OXCT1: variants seen among roughly 807,000 people sequenced by gnomAD.
OXCT1 encodes 3-oxoacid CoA-transferase 1, also known as succinyl-CoA:3-ketoacid coenzyme A transferase 1, mitochondrial.
OXCT1 carries 27 observed loss-of-function variants against 69.6 expected under a neutral mutation model. That is an observed-to-expected ratio of 0.39 (90% CI 0.29 to 0.54). The LOEUF (loss-of-function observed/expected upper bound fraction) is 0.54, where lower values mean the gene tolerates loss of function less well. Ranked by LOEUF, OXCT1 falls within the 20% of genes least tolerant of loss-of-function variation. The pLI, the probability that OXCT1 is intolerant of heterozygous loss-of-function variation, is 0.72. For synonymous variants in OXCT1, 202 were observed against 217.8 expected, an observed-to-expected ratio of 0.93 and a Z score of 0.64; for missense variants, 437 against 650.2, an observed-to-expected ratio of 0.67 and a Z score of 3.57.
intron 16 of OXCT1, among the ~76,000 whole-genome samples, chr5:41,738,778 A>G (rs1233821662): frequency 6.6e-6 from 1 of 152,202 alleles, no homozygotes; most frequent in Non-Finnish European, 1.5e-5. Context: ...TCTCAGTAAT[A>G]TTCTGTTTTA....
intron 13 of OXCT1, among the ~76,000 whole-genome samples, chr5:41,772,694 A>T (rs1361748274): frequency 6.6e-6 from 1 of 152,226 alleles, no homozygotes; most frequent in East Asian, 1.9e-4. Flanking sequence ...GGGAATTAAT[A>T]GCTATGACAT....
At chr5:41,817,452 A>T (rs2112317588) in intron 7 of OXCT1, among the ~76,000 whole-genome samples, 1 of 152,316 alleles carries the variant, frequency 6.6e-6, no homozygotes, top group South Asian at 2.1e-4. Flanking sequence ...TAGACATTCT[A>T]TTACAAGACC....
chr5:41,809,649 A>G (rs1447096722), intron 7 of OXCT1, among the ~76,000 whole-genome samples: 1 of 151,990 alleles, frequency 6.6e-6, no homozygotes, highest in African/African-American at 2.4e-5. Flanking sequence ...ATAAAAAAGG[A>G]AGAAAAAAAA....
intron 11 of OXCT1, among the ~76,000 whole-genome samples, chr5:41,795,345 G>A (rs184625404): frequency 9.9e-5 from 15 of 152,230 alleles, no homozygotes; most frequent in Admixed American, 9.8e-4. Flanking sequence ...CCAGGGGTTA[G>A]GGACCCCTGT....
At chr5:41,793,180 TGTC>T (rs1746008505) in intron 13 of OXCT1, among the ~76,000 whole-genome samples, 3 of 152,240 alleles carry the variant, frequency 2.0e-5, no homozygotes, top group Non-Finnish European at 4.4e-5. Flanking sequence ...TCAAGAAAAC[TGTC>T]CTATCATAGA....
intron 14 of OXCT1, among the ~76,000 whole-genome samples, chr5:41,759,321 C>G (rs928416322): frequency 6.6e-6 from 1 of 152,206 alleles, no homozygotes; most frequent in African/African-American, 2.4e-5. Context: ...AGCACAGCAC[C>G]TCCACCTGGT....
intron 7 of OXCT1, among the ~76,000 whole-genome samples, chr5:41,810,218 G>A (rs975656037): frequency 8.5e-5 from 13 of 152,124 alleles, no homozygotes; most frequent in African/African-American, 3.1e-4. Flanking sequence ...AGTGAGATCA[G>A]GCGATTTAAA....
rs773088797 is a variant in OXCT1 at position 41,842,668 on chromosome 5, A to G, written c.671+7T>C. On this transcript the variant is annotated splice_region_variant and intron_variant, in intron 6 of 16. Transcript: ENST00000196371. ...ATGCACGAGTGTTTTTAAAACTATCACAATACCTGAAAATCACGTTTCCTG... is the reference window on the plus strand; with the variant it reads ...ATGCACGAGTGTTTTTAAAACTATCGCAATACCTGAAAATCACGTTTCCTG... The G allele has an allele frequency of 3.1e-6, 5 of 1,596,446 alleles. No individual in the cohort carries two copies. Among genetic ancestry groups the G allele is most frequent in the East Asian group, 4.5e-5 (2 of 44,792 alleles).
intron 1 of OXCT1, among the ~76,000 whole-genome samples, chr5:41,866,179 C>T (rs1413777141): frequency 3.3e-5 from 5 of 152,044 alleles, no homozygotes; most frequent in Middle Eastern, 6.8e-3. Flanking sequence ...CATTCTCTAC[C>T]AGGGCAGTAA....
At chr5:41,850,213 C>T (rs762600459) in intron 4 of OXCT1, 34 bp from the exon 5 acceptor site, 1 of 1,611,532 alleles carries the variant, frequency 6.2e-7, no homozygotes, top group East Asian at 2.2e-5. Context: ...CATAAGTTCA[C>T]TAAGCACACT....
Position 41,761,900 on chromosome 5 carries a change from T to A in OXCT1, c.1338+211A>T, listed in dbSNP as rs58511292. On this transcript the variant is annotated intron_variant, in intron 14 of 16. Transcript: ENST00000196371. ...ATGCAGGACAAATATTTGAAGAACATGCTGATGTTTGGTTTCACTCAAAGT... is the reference window on the plus strand; with the variant it reads ...ATGCAGGACAAATATTTGAAGAACAAGCTGATGTTTGGTTTCACTCAAAGT... Among the ~76,000 whole-genome samples the A allele has an allele frequency of 0.05, 7,655 of 152,252 alleles. 660 individuals are homozygous for A. The highest frequency in any genetic ancestry group is 0.17 in the African/African-American group (7,212 of 41,534).
intron 13 of OXCT1, among the ~76,000 whole-genome samples, chr5:41,782,708 C>G (rs1267093166): frequency 1.3e-5 from 2 of 152,114 alleles, no homozygotes; most frequent in African/African-American, 4.8e-5. Flanking sequence ...TCTGTTCATC[C>G]TGATGATAGT....
At chr5:41,838,124 G>A (rs1394104920) in intron 7 of OXCT1, among the ~76,000 whole-genome samples, 4 of 152,108 alleles carry the variant, frequency 2.6e-5, no homozygotes, top group Admixed American at 6.5e-5. Context: ...ATAAAAGAAA[G>A]CAAGATAGGG....
chr5:41,771,545 T>C (rs1744870947), intron 13 of OXCT1, among the ~76,000 whole-genome samples: 1 of 152,212 alleles, frequency 6.6e-6, no homozygotes, highest in Admixed American at 6.5e-5. Context: ...AGCTCTGTTC[T>C]GAAGCTGCAG....
At chr5:41,766,116 G>C (rs367831783) in intron 13 of OXCT1, among the ~76,000 whole-genome samples, 4 of 152,080 alleles carry the variant, frequency 2.6e-5, no homozygotes, top group African/African-American at 9.7e-5. Flanking sequence ...CTTAAAGGAT[G>C]CAACTCTAGT....
At chr5:41,864,172 G>A (rs1396837741) in intron 1 of OXCT1, among the ~76,000 whole-genome samples, 1 of 152,152 alleles carries the variant, frequency 6.6e-6, no homozygotes, top group Non-Finnish European at 1.5e-5. Context: ...AGCAGATTCT[G>A]TAGCAATCAT....
chr5:41,778,939 A>C (rs1286031949), intron 13 of OXCT1, among the ~76,000 whole-genome samples: 1 of 152,238 alleles, frequency 6.6e-6, no homozygotes, highest in Non-Finnish European at 1.5e-5. Context: ...ACTTTTGACA[A>C]GGAAGTAAAA....
intron 7 of OXCT1, among the ~76,000 whole-genome samples, chr5:41,822,375 G>A (rs573684261): frequency 6.6e-6 from 1 of 152,110 alleles, no homozygotes; most frequent in Admixed American, 6.6e-5. Flanking sequence ...TGTTTTTGTG[G>A]AGAACTGACC....
chr5:41,794,510 T>G (rs1187063954), intron 12 of OXCT1, 167 bp downstream of exon 12: 3 of 662,896 alleles, frequency 4.5e-6, no homozygotes, highest in Non-Finnish European at 5.2e-6. Context: ...GGATATTCAA[T>G]GCCCAACATT....
Sources: gnomAD v4.1 joint callset for allele counts (sites outside exome capture counted in the v4.1 genomes callset) on GRCh38, gnomAD v4.1.1 for gene constraint, MANE v1.5 for transcripts, NCBI Gene and HGNC (gene_info 2026-07-23, HGNC 2026-07-21) for gene names.